The following KATNIP variants were observed in gnomAD, a reference collection of about 807,000 sequenced individuals.
KATNIP encodes katanin interacting protein, also known as katanin-interacting protein.
In KATNIP, 126 loss-of-function variants were observed where a neutral mutation model predicts 174.0. The observed-to-expected ratio is 0.72, with a 90% CI of 0.63 to 0.84. The LOEUF (loss-of-function observed/expected upper bound fraction) is 0.84, where lower values mean the gene tolerates loss of function less well. KATNIP is among the 40% of genes least tolerant of loss of function. The pLI is 0.00. For synonymous variants in KATNIP, 810 were observed against 835.7 expected, an observed-to-expected ratio of 0.97 and a Z score of 0.53; for missense variants, 1,958 against 2,109.7, an observed-to-expected ratio of 0.93 and a Z score of 1.41.
At chr16:27,725,205 A>G (rs941680784) in intron 14 of KATNIP, among the ~76,000 whole-genome samples, 2 of 152,368 alleles carry the variant, frequency 1.3e-5, no homozygotes, top group Middle Eastern at 3.4e-3. Flanking sequence ...TCAATGCATG[A>G]ATGAATAACT....
chr16:27,721,563 GA>G lies in KATNIP; in HGVS notation c.1614del (p.Asp539ThrfsTer52). The G allele has an allele frequency of 6.2e-7, 1 of 1,614,152 alleles. No individual in the cohort carries two copies. The highest frequency in any genetic ancestry group is 8.5e-7 in the Non-Finnish European group (1 of 1,180,016). ...TTCTCTTGCTGGCCTTCTAGGGCAA[GA>G]AAGACTCCTCCCCGTGGACCTGCCC... ...RLVNRNLAGK[K>X]DSSPWTCPFH... On this transcript the variant is annotated frameshift_variant, in exon 14 of 28. Coordinates refer to ENST00000261588, the MANE Select transcript of KATNIP (RefSeq NM_015202.5). LOFTEE classifies it high-confidence loss of function.
At chr16:27,742,470 C>T (rs540172424) in intron 15 of KATNIP, among the ~76,000 whole-genome samples, 34 of 152,286 alleles carry the variant, frequency 2.2e-4, no homozygotes, top group African/African-American at 7.9e-4. Flanking sequence ...AACACTCAGG[C>T]CTGCCATGCC....
intron 6 of KATNIP, among the ~76,000 whole-genome samples, chr16:27,676,687 A>G (rs867034894): frequency 6.0e-5 from 9 of 149,234 alleles, no homozygotes; most frequent in African/African-American, 1.5e-4. Flanking sequence ...ATATGTGTGC[A>G]TGTGTGTGTG....
intron 12 of KATNIP, among the ~76,000 whole-genome samples, chr16:27,707,751 G>A (rs189260649): frequency 6.6e-6 from 1 of 152,364 alleles, no homozygotes; most frequent in Non-Finnish European, 1.5e-5. Flanking sequence ...GGTTTGTTCT[G>A]AGGCCTCTCT....
intron 2 of KATNIP, 122 bp downstream of exon 2, chr16:27,574,078 C>A: frequency 2.5e-6 from 2 of 811,364 alleles, no homozygotes; most frequent in Non-Finnish European, 2.0e-6. Flanking sequence ...AAGCTTGAAT[C>A]CTGGAGCAAA....
In KATNIP at chr16:27,559,659, C is replaced by T. The variant is rs1224591688; in HGVS notation, c.7+9482C>T. Among the ~76,000 whole-genome samples, 4 of 144,658 alleles carry T rather than the reference C, an allele frequency of 2.8e-5. No individual in the cohort carries two copies. In the South Asian group the frequency reaches 6.5e-4, roughly 24 times the overall value. The allele number at this position is 144,658 out of a possible 152,430, so 94.9% of individuals were successfully genotyped here. On this transcript the variant is annotated intron_variant, in intron 1 of 27. Coordinates refer to ENST00000261588, the MANE Select transcript of KATNIP (RefSeq NM_015202.5). ...TCATGCCACTGCACTCTAGCCTGGG[C>T]AACAGAGCAAGACCCTGTCTCAAAA...
intron 12 of KATNIP, among the ~76,000 whole-genome samples, chr16:27,706,432 T>C (rs1428600924): frequency 1.3e-5 from 2 of 152,154 alleles, no homozygotes; most frequent in East Asian, 3.9e-4. Context: ...AGTTCCCCTA[T>C]GCTTTATGGC....
Position 27,551,899 on chromosome 16 carries a change from C to T in KATNIP, c.7+1722C>T, listed in dbSNP as rs200805809. On this transcript the variant is annotated intron_variant, in intron 1 of 27. Transcript: ENST00000261588. The stretch of plus-strand genomic sequence containing the variant: ...TAATAATTGGCCAGGTGCAGTGGCT[C>T]ATAATAATCATAATAATAATTGGCC... Among the ~76,000 whole-genome samples the T allele has an allele frequency of 3.3e-5, 5 of 151,870 alleles. No homozygotes were observed. In the East Asian group the frequency reaches 5.8e-4, roughly 18 times the overall value.
At chr16:27,775,479 C>T (rs1296699672) in intron 24 of KATNIP, among the ~76,000 whole-genome samples, 3 of 152,244 alleles carry the variant, frequency 2.0e-5, no homozygotes, top group Non-Finnish European at 4.4e-5. Flanking sequence ...GTTTCTGCCC[C>T]TTCCTACATC....
chr16:27,628,500 G>T, intron 3 of KATNIP, 161 bp from the exon 4 acceptor site: 1 of 721,926 alleles, frequency 1.4e-6, no homozygotes. Context: ...TGGGTAATGG[G>T]CCTGTCAGAG....
intron 2 of KATNIP, among the ~76,000 whole-genome samples, chr16:27,611,188 T>C (rs1596918949): frequency 6.6e-6 from 1 of 152,218 alleles, no homozygotes; most frequent in Non-Finnish European, 1.5e-5. Flanking sequence ...ACAGAGTCTA[T>C]ACAGGCAAGT....
In KATNIP at chr16:27,740,432, C is replaced by T. The variant is rs1301356978; in HGVS notation, c.2135C>T (p.Pro712Leu). 16 of 1,613,846 alleles carry T rather than the reference C, an allele frequency of 9.9e-6. No individual in the cohort carries two copies. The highest frequency in any genetic ancestry group is 1.3e-5 in the African/African-American group (1 of 74,924). The change falls in exon 15 of 28, where the codon CCC becomes CTC. Residue 712 changes from proline to leucine, a missense_variant. Physicochemically the swap from Pro to Leu is moderately conservative, Grantham distance 98 (BLOSUM62 -3). Coordinates refer to ENST00000261588, the MANE Select transcript of KATNIP (RefSeq NM_015202.5). ...GTCCCCACTTCGATGGGTGACATGC[C>T]CAGTGCTCCTGCCACTTCCCCACCT... ...SAVPTSMGDM[P>L]SAPATSPPVK...
At chr16:27,661,462 G>A (rs966163906) in intron 6 of KATNIP, among the ~76,000 whole-genome samples, 11 of 151,990 alleles carry the variant, frequency 7.2e-5, no homozygotes, top group African/African-American at 2.2e-4. Flanking sequence ...CATGGTCTCG[G>A]CTCACTGCAA....
chr16:27,643,721 C>CAGAAAGG (rs1287013755), intron 5 of KATNIP, among the ~76,000 whole-genome samples: 1 of 150,886 alleles, frequency 6.6e-6, no homozygotes, highest in Admixed American at 6.6e-5. Context: ...GAACTTGGAT[C>CAGAAAGG]AGAAAGGAGT....
At chr16:27,736,999 G>C (rs1567370499) in intron 14 of KATNIP, among the ~76,000 whole-genome samples, 1 of 152,100 alleles carries the variant, frequency 6.6e-6, no homozygotes, top group African/African-American at 2.4e-5. Context: ...ACGAGGGGAC[G>C]GCAAGCTTTT....
Position 27,552,590 on chromosome 16 carries a change from G to T in KATNIP, c.7+2413G>T, listed in dbSNP as rs140187419. 3.7e-3 allele frequency among the ~76,000 whole-genome samples: 562 copies of T among 150,964 alleles called. 1 individual carries two copies. Among genetic ancestry groups the T allele is most frequent in the Non-Finnish European group, 5.3e-3 (361 of 67,840 alleles). ...GGGGTTTCCCCATGTTGGCCAGCTGGTCGCAAACTCCTGACCTCAGGTGAT... is the reference window on the plus strand; with the variant it reads ...GGGGTTTCCCCATGTTGGCCAGCTGTTCGCAAACTCCTGACCTCAGGTGAT... On this transcript the variant is annotated intron_variant, in intron 1 of 27. Coordinates refer to ENST00000261588, the MANE Select transcript of KATNIP (RefSeq NM_015202.5).
chr16:27,771,202 C>A (rs2082286237), intron 21 of KATNIP, among the ~76,000 whole-genome samples: 1 of 152,178 alleles, frequency 6.6e-6, no homozygotes, highest in African/African-American at 2.4e-5. Context: ...TACCAGGCAA[C>A]CTCACGTCCC....
Position 27,698,455 on chromosome 16 carries a change from G to C in KATNIP, c.1068G>C (p.Arg356Ser). 1 of 1,612,966 alleles carries C rather than the reference G, an allele frequency of 6.2e-7. No individual in the cohort carries two copies. Among genetic ancestry groups the C allele is most frequent in the East Asian group, 2.2e-5 (1 of 44,866 alleles). Residue 356 changes from arginine to serine, a missense_variant, in exon 9 of 28, where the codon AGG becomes AGC. Physicochemically the swap from Arg to Ser is moderately radical, Grantham distance 110. This residue lies in a region of KATNIP where 1,557 missense variants were observed against 1,617.8 expected (regional missense o/e 0.96). Coordinates refer to ENST00000261588, the MANE Select transcript of KATNIP (RefSeq NM_015202.5). ...AIQVENAALQ[R>S]ALLSRKAEQP... ...AGGTGGAGAACGCAGCCCTGCAGAG[G>C]GCGCTCCTCAGCAGAAAGGCCGAGC...
chr16:27,618,033 C>T (rs2076090388), intron 2 of KATNIP, among the ~76,000 whole-genome samples: 1 of 152,084 alleles, frequency 6.6e-6, no homozygotes, highest in African/African-American at 2.4e-5. Flanking sequence ...CCACTGTGCC[C>T]GACCAAGATC....
Sources: allele counts gnomAD v4.1 joint callset (sites outside exome capture counted in the v4.1 genomes callset), GRCh38; gene constraint gnomAD v4.1.1; regional missense constraint gnomAD v4.1.1; transcripts MANE v1.5; gene names NCBI Gene and HGNC (gene_info 2026-07-23, HGNC 2026-07-21).